ESR1: variants seen among roughly 807,000 people sequenced by gnomAD.
The protein encoded by ESR1 is estrogen receptor.
Under a neutral mutation model 52.7 loss-of-function variants are expected in ESR1, and 12 were observed. That is an observed-to-expected ratio of 0.23 (90% CI 0.15 to 0.37). The LOEUF is 0.37. ESR1 is among the 10% of genes least tolerant of loss of function. The probability of loss-of-function intolerance (pLI) is 1.00; values close to 1 mark genes in which losing one functional copy is unlikely to be tolerated. For missense variants in ESR1, 584 were observed against 779.7 expected, an observed-to-expected ratio of 0.75 and a Z score of 2.99; for synonymous variants, 305 against 316.8, an observed-to-expected ratio of 0.96 and a Z score of 0.39.
chr6:152,048,376 A>AG (rs2046404206), intron 5 of ESR1, among the ~76,000 whole-genome samples: 1 of 151,582 alleles, frequency 6.6e-6, no homozygotes, highest in Non-Finnish European at 1.5e-5. Context: ...AAAAAAAAAA[A>AG]AAAAAAAGTC....
At chr6:151,994,623 G>A (rs2041315131) in intron 4 of ESR1, among the ~76,000 whole-genome samples, 1 of 152,098 alleles carries the variant, frequency 6.6e-6, no homozygotes, top group Non-Finnish European at 1.5e-5. Context: ...TGTGACAGTG[G>A]GCAGTGTCCA....
intron 2 of ESR1, among the ~76,000 whole-genome samples, chr6:151,846,049 C>T (rs530789351): frequency 3.3e-4 from 50 of 152,054 alleles, no homozygotes; most frequent in Non-Finnish European, 3.5e-4. Context: ...TCCACTCAGT[C>T]CTGGTGGTGG....
rs1400416869 is a variant in ESR1 at position 151,713,459 on chromosome 6, A to G, written c.-71+11454A>G. Reference sequence around the variant, plus strand: ...TCTGGTAGAATTCGGATGTGAATCCATCTTGTCCTGGGCTTTTTTTGGTTG... The same window carrying G: ...TCTGGTAGAATTCGGATGTGAATCCGTCTTGTCCTGGGCTTTTTTTGGTTG... On this transcript the variant is annotated intron_variant, in intron 2 of 2. Coordinates refer to the ESR1 transcript ENST00000404742. 4.6e-5 allele frequency among the ~76,000 whole-genome samples: 7 copies of G among 152,286 alleles called. No individual in the cohort carries two copies. In the South Asian group the frequency reaches 6.2e-4, roughly 14 times the overall value.
chr6:152,045,204 A>T (rs189818505), intron 5 of ESR1, among the ~76,000 whole-genome samples: 17 of 152,328 alleles, frequency 1.1e-4, no homozygotes, highest in African/African-American at 4.1e-4. Flanking sequence ...CTACAGGGGC[A>T]TGGGAAGAAG....
rs549050899 is a variant in ESR1, at chr6:151,906,321, T to A, written c.760+25550T>A. On this transcript the variant is annotated intron_variant, in intron 3 of 7. Transcript: ENST00000206249. The stretch of plus-strand genomic sequence containing the variant: ...TTGTGTTAAAACAGAAGACTTTTTT[T>A]AAAAAAGTGTGTTAGTTAAGGTTAA... 1.8e-4 allele frequency among the ~76,000 whole-genome samples: 27 copies of A among 152,150 alleles called. No individual in the cohort carries two copies. In the East Asian group the frequency reaches 3.1e-3, roughly 17 times the overall value.
chr6:151,754,097 TGGA>T (rs1784103924), intron 2 of ESR1, among the ~76,000 whole-genome samples: 2 of 152,044 alleles, frequency 1.3e-5, no homozygotes, highest in South Asian at 4.1e-4. Flanking sequence ...ACAGAGTAAA[TGGA>T]GAACAAAAAC....
chr6:152,125,621 T>C (rs917073718), exon 7 of ESR1: 4 of 355,210 alleles, frequency 1.1e-5, no homozygotes, highest in South Asian at 7.1e-5. Flanking sequence ...TCAACACCTG[T>C]AGCTAGATGA....
intron 2 of ESR1, among the ~76,000 whole-genome samples, chr6:151,852,393 A>G (rs757718256): frequency 7.2e-5 from 11 of 152,188 alleles, no homozygotes; most frequent in Non-Finnish European, 1.2e-4. Context: ...TGATTTTCAT[A>G]ATAATATAAG....
In ESR1 at chr6:151,880,823, G is replaced by A. The variant is rs541058560; in HGVS notation, c.760+52G>A. On this transcript the variant is annotated intron_variant, in intron 3 of 7. Coordinates refer to ENST00000206249, the MANE Select transcript of ESR1 (RefSeq NM_000125.4). The stretch of plus-strand genomic sequence containing the variant: ...TGGGGATGGCCCTGGCCACCGCCCA[G>A]TGCTGGCTCTACCCATTGGAATAAC... The A allele has an allele frequency of 6.6e-6, 6 of 907,606 alleles. No homozygotes were observed. In the Admixed American group the frequency reaches 8.5e-5, roughly 13 times the overall value. 56.2% of individuals were successfully genotyped at this position (907,606 alleles called of 1,614,324 possible).
chr6:151,744,982 T>G (rs190206437), intron 2 of ESR1, among the ~76,000 whole-genome samples: 7 of 152,322 alleles, frequency 4.6e-5, no homozygotes, highest in Admixed American at 3.9e-4. Context: ...CCTTCCATTT[T>G]GTCTTGTCCA....
chr6:151,911,680 A>G (rs1318490547), intron 3 of ESR1, among the ~76,000 whole-genome samples: 1 of 152,210 alleles, frequency 6.6e-6, no homozygotes, highest in Non-Finnish European at 1.5e-5. Context: ...TGATCCTTGG[A>G]ACCTCTTCCT....
Position 152,046,283 on chromosome 6 carries a change from A to G in ESR1, c.1236-14708A>G, listed in dbSNP as rs567557007. ...TTTGTCCAAGGTTGCAGACTAGACT[A>G]TTTATTAATAGAGTAGGGTCAGGAA... On this transcript the variant is annotated intron_variant, in intron 5 of 7. Transcript: ENST00000206249. Among the ~76,000 whole-genome samples, 16 of 152,312 alleles carry G rather than the reference A, an allele frequency of 1.1e-4. No individual in the cohort carries two copies. In the East Asian group the frequency reaches 2.9e-3, roughly 28 times the overall value.
At chr6:152,057,910 G>A (rs1428736794) in intron 5 of ESR1, among the ~76,000 whole-genome samples, 2 of 152,106 alleles carry the variant, frequency 1.3e-5, no homozygotes, top group African/African-American at 2.4e-5. Context: ...AGTCAAGAAC[G>A]AGCTCTTCGT....
chr6:151,864,880 T>A (rs1484633608), intron 2 of ESR1, among the ~76,000 whole-genome samples: 2 of 137,688 alleles, frequency 1.5e-5, no homozygotes, highest in African/African-American at 5.5e-5. Flanking sequence ...TAGGTGGGAA[T>A]TGAACAATAA....
At chr6:151,920,799 C>G (rs1006305499) in intron 3 of ESR1, among the ~76,000 whole-genome samples, 1 of 152,094 alleles carries the variant, frequency 6.6e-6, no homozygotes, top group Non-Finnish European at 1.5e-5. Flanking sequence ...TATGACTTAT[C>G]ACTGTTGATA....
At chr6:151,979,024 A>G (rs1288254250) in intron 4 of ESR1, among the ~76,000 whole-genome samples, 2 of 152,218 alleles carry the variant, frequency 1.3e-5, no homozygotes, top group African/African-American at 2.4e-5. Context: ...CAATAATAGT[A>G]TGTAAGTCGG....
rs1779397740 is a variant in ESR1, at chr6:151,696,990, G to T, written c.-201-4885G>T. ...GGGAGGTGGTTTTGGGAAACCATCA[G>T]TCTGACAGAAACATAGTTAAGAAAA... is the stretch of plus-strand genomic sequence containing the variant. On this transcript the variant is annotated intron_variant, in intron 1 of 2. Coordinates refer to the ESR1 transcript ENST00000404742. Among the ~76,000 whole-genome samples, 2 of 152,158 alleles carry T rather than the reference G, an allele frequency of 1.3e-5. 1 individual carries two copies. Among genetic ancestry groups the T allele is most frequent in the South Asian group, 4.1e-4 (2 of 4,830 alleles).
At chr6:151,944,932 A>G (rs2035527276) in intron 4 of ESR1, among the ~76,000 whole-genome samples, 1 of 152,232 alleles carries the variant, frequency 6.6e-6, no homozygotes, top group South Asian at 2.1e-4. Context: ...AAAGATTTTT[A>G]AGATTCGGTG....
At position 151,995,345 on chromosome 6, in the gene ESR1, C is replaced by G. The variant is rs569997700; in HGVS notation, c.1097-16311C>G. 6.6e-5 allele frequency among the ~76,000 whole-genome samples: 10 copies of G among 152,232 alleles called. No individual in the cohort carries two copies. In the South Asian group the frequency reaches 1.7e-3, roughly 25 times the overall value. ...TCTGTCCATCCAGTCATCCATCCAT[C>G]CTTCCATCCATTCGTCTATTCATCC... On this transcript the variant is annotated intron_variant, in intron 4 of 7. Transcript: ENST00000206249.
Sources: gnomAD v4.1 joint callset for allele counts (sites outside exome capture counted in the v4.1 genomes callset) on GRCh38, gnomAD v4.1.1 for gene constraint, MANE v1.5 for transcripts, NCBI Gene and HGNC (gene_info 2026-07-23, HGNC 2026-07-21) for gene names.